Variants in ASTN2 observed in about 807,000 individuals in gnomAD.
The protein encoded by ASTN2 is astrotactin 2.
ASTN2 carries 54 observed loss-of-function variants against 139.8 expected under a neutral mutation model. The observed-to-expected ratio is 0.39, with a 90% CI of 0.31 to 0.48. The LOEUF (loss-of-function observed/expected upper bound fraction) is 0.48. Ranked by LOEUF, ASTN2 falls within the 20% of genes least tolerant of loss-of-function variation. ASTN2 has a pLI of 0.95. For missense variants in ASTN2, 1,565 were observed against 1,725.1 expected, an observed-to-expected ratio of 0.91 and a Z score of 1.64; for synonymous variants, 756 against 719.5, an observed-to-expected ratio of 1.05 and a Z score of -0.81.
chr9:116,513,388 T>C (rs1850491697), intron 19 of ASTN2, among the ~76,000 whole-genome samples: 1 of 152,252 alleles, frequency 6.6e-6, no homozygotes, highest in South Asian at 2.1e-4. Flanking sequence ...TCTGGTGGGC[T>C]TCCCTTTGTG....
At chr9:117,324,572 T>C (rs1021490592) in intron 1 of ASTN2, among the ~76,000 whole-genome samples, 4 of 152,172 alleles carry the variant, frequency 2.6e-5, no homozygotes, top group African/African-American at 9.7e-5. Flanking sequence ...CACCTCCCAC[T>C]GGGTCCCTCC....
At chr9:116,651,927 T>G in intron 16 of ASTN2, 134 bp from the exon 17 acceptor site, 15 of 1,070,316 alleles carry the variant, frequency 1.4e-5, no homozygotes, top group Non-Finnish European at 1.9e-5. Context: ...TAGAGTGATT[T>G]ATTCATGATG....
chr9:117,226,449 G>GC (rs1251423557), intron 2 of ASTN2, among the ~76,000 whole-genome samples: 1 of 152,178 alleles, frequency 6.6e-6, no homozygotes, highest in Non-Finnish European at 1.5e-5. Flanking sequence ...TACAGTCAAT[G>GC]CTCAACAAAA....
intron 11 of ASTN2, among the ~76,000 whole-genome samples, chr9:116,831,744 A>G (rs1279095147): frequency 6.6e-6 from 1 of 152,186 alleles, no homozygotes; most frequent in Non-Finnish European, 1.5e-5. Flanking sequence ...AGTTTTGGCC[A>G]TTATAGTTCC....
At chr9:116,751,173 G>A (rs10732384) in intron 13 of ASTN2, among the ~76,000 whole-genome samples, 87,025 of 146,760 alleles carry the variant, frequency 0.59, 26,940 homozygotes, top group South Asian at 0.82. Context: ...AATGAGGACC[G>A]TAATAGTACC....
intron 22 of ASTN2, among the ~76,000 whole-genome samples, chr9:116,426,997 T>C (rs1363841900): frequency 2.0e-5 from 3 of 152,090 alleles, no homozygotes; most frequent in Non-Finnish European, 4.4e-5. Flanking sequence ...ATGGAGGACA[T>C]CATTAAGAAC....
At chr9:117,200,595 C>T (rs1282585297) in intron 3 of ASTN2, among the ~76,000 whole-genome samples, 1 of 152,048 alleles carries the variant, frequency 6.6e-6, no homozygotes, top group Non-Finnish European at 1.5e-5. Context: ...TTATCAAAGG[C>T]CTTTTCTGCA....
chr9:117,071,500 A>C (rs1424287799), intron 5 of ASTN2, among the ~76,000 whole-genome samples: 1 of 149,216 alleles, frequency 6.7e-6, no homozygotes, highest in Non-Finnish European at 1.5e-5. Context: ...TGGAGCCTAC[A>C]GAGGCAGGCA....
intron 11 of ASTN2, among the ~76,000 whole-genome samples, chr9:116,832,299 T>A (rs115630462): frequency 0.017 from 2,540 of 152,280 alleles, 82 homozygotes; most frequent in African/African-American, 0.058. Context: ...GGGTAAGTCT[T>A]ATAGTCTTAT....
chr9:117,280,501 G>A (rs1834299571), intron 2 of ASTN2, among the ~76,000 whole-genome samples: 1 of 152,192 alleles, frequency 6.6e-6, no homozygotes, highest in Non-Finnish European at 1.5e-5. Context: ...GCGCATGGAA[G>A]AAAAGACACA....
intron 11 of ASTN2, among the ~76,000 whole-genome samples, chr9:116,827,809 A>G (rs1831679393): frequency 6.6e-6 from 1 of 152,192 alleles, no homozygotes; most frequent in African/African-American, 2.4e-5. Context: ...TCTACCAAAC[A>G]TCCAAAGAAA....
chr9:117,135,469 T>C (rs1255197661), intron 4 of ASTN2, among the ~76,000 whole-genome samples: 1 of 152,242 alleles, frequency 6.6e-6, no homozygotes, highest in Admixed American at 6.5e-5. Context: ...CCTTTATCTA[T>C]TTACCCGTCT....
intron 16 of ASTN2, among the ~76,000 whole-genome samples, chr9:116,713,476 G>A (rs887124303): frequency 3.9e-5 from 6 of 152,256 alleles, no homozygotes; most frequent in Admixed American, 6.5e-5. Context: ...GGGGTTGCTA[G>A]GAAACAAGGG....
chr9:116,892,740 C>T (rs552520796), intron 10 of ASTN2, among the ~76,000 whole-genome samples: 1 of 152,274 alleles, frequency 6.6e-6, no homozygotes, highest in Non-Finnish European at 1.5e-5. Flanking sequence ...CATGAATGCT[C>T]TTTCTCTAGA....
intron 20 of ASTN2, among the ~76,000 whole-genome samples, chr9:116,466,076 G>A (rs1848639812): frequency 6.6e-6 from 1 of 152,162 alleles, no homozygotes; most frequent in Non-Finnish European, 1.5e-5. Flanking sequence ...GCAAGACAAA[G>A]CAGGGTTTAT....
At chr9:116,495,863 C>T (rs1849652923) in intron 19 of ASTN2, among the ~76,000 whole-genome samples, 1 of 152,146 alleles carries the variant, frequency 6.6e-6, no homozygotes, top group African/African-American at 2.4e-5. Context: ...GTCCTGCTTC[C>T]TCGGGCCCCT....
chr9:116,459,699 A>G (rs930968371), intron 20 of ASTN2, among the ~76,000 whole-genome samples: 2 of 152,088 alleles, frequency 1.3e-5, no homozygotes, highest in Non-Finnish European at 2.9e-5. Context: ...AACCACAATG[A>G]GACACCACTT....
intron 3 of ASTN2, among the ~76,000 whole-genome samples, chr9:117,191,693 G>A (rs574254201): frequency 3.0e-4 from 45 of 152,274 alleles, no homozygotes; most frequent in African/African-American, 1.1e-3. Flanking sequence ...CATTTCAAGG[G>A]AGCCCAGGAC....
chr9:117,029,194 G>T (rs927614221), intron 6 of ASTN2, among the ~76,000 whole-genome samples: 3 of 152,100 alleles, frequency 2.0e-5, no homozygotes, highest in Admixed American at 2.0e-4. Flanking sequence ...ACTTCATGAG[G>T]TAATAGAATG....
Sources: allele counts gnomAD v4.1 joint callset (sites outside exome capture counted in the v4.1 genomes callset), GRCh38; gene constraint gnomAD v4.1.1; transcripts MANE v1.5; gene names NCBI Gene and HGNC (gene_info 2026-07-23, HGNC 2026-07-21).